The following WWOX variants were observed in gnomAD, a reference collection of about 807,000 sequenced individuals.
WWOX encodes WW domain containing oxidoreductase.
In WWOX, 69 loss-of-function variants were observed where a neutral mutation model predicts 46.2. The ratio of observed to expected loss-of-function variants is 1.49; its 90% confidence interval spans 1.23 to 1.82. The LOEUF is 1.82. Among genes scored for constraint, WWOX ranks in the 40% most tolerant of loss-of-function variants. The pLI is 0.00. For missense variants in WWOX, 919 were observed against 542.6 expected (o/e 1.69, Z -6.89); for synonymous variants, 359 against 202.6 (o/e 1.77, Z -6.56).
chr16:79,137,338 A>T (rs997227620), intron 8 of WWOX, among the ~76,000 whole-genome samples: 1 of 152,242 alleles, frequency 6.6e-6, no homozygotes, highest in Admixed American at 6.5e-5. Flanking sequence ...GCTTATCAAA[A>T]GAAAATTCAT....
chr16:78,261,766 ATCTAT>A (rs1597415602), intron 5 of WWOX, among the ~76,000 whole-genome samples: 5 of 74,848 alleles, frequency 6.7e-5, no homozygotes, highest in African/African-American at 3.1e-4. Flanking sequence ...CTATCTATCT[ATCTAT>A]GTATCTATCT....
At chr16:78,117,035 A>G (rs1231236663) in intron 4 of WWOX, among the ~76,000 whole-genome samples, 2 of 152,234 alleles carry the variant, frequency 1.3e-5, no homozygotes, top group Admixed American at 6.5e-5. Flanking sequence ...CTAGTTAGAT[A>G]CATAAGTCTT....
At chr16:78,889,562 T>C (rs1167928933) in intron 8 of WWOX, among the ~76,000 whole-genome samples, 1 of 151,978 alleles carries the variant, frequency 6.6e-6, no homozygotes, top group African/African-American at 2.4e-5. Context: ...TGTCCACTGG[T>C]CTCCACTAGG....
chr16:78,842,634 C>T (rs4888862), intron 8 of WWOX, among the ~76,000 whole-genome samples: 88,889 of 151,964 alleles, frequency 0.58, 26,129 homozygotes, highest in South Asian at 0.68. Context: ...GAGGTCAAGG[C>T]GGATGGATTG....
chr16:78,358,197 A>G (rs12926391), intron 5 of WWOX, among the ~76,000 whole-genome samples: 79,115 of 152,008 alleles, frequency 0.52, 22,189 homozygotes, highest in Non-Finnish European at 0.64. Flanking sequence ...TCCTATCGAA[A>G]GATAACCTCT....
chr16:78,392,130 G>C (rs1169475127), intron 6 of WWOX, among the ~76,000 whole-genome samples: 6 of 151,980 alleles, frequency 3.9e-5, no homozygotes, highest in African/African-American at 1.5e-4. Flanking sequence ...AAATTGGGTG[G>C]CATGGCAGGG....
At chr16:78,362,330 C>T (rs533690455) in intron 5 of WWOX, among the ~76,000 whole-genome samples, 61 of 152,296 alleles carry the variant, frequency 4.0e-4, no homozygotes, top group African/African-American at 1.4e-3. Flanking sequence ...AAAAACAGGA[C>T]AGGCATTACA....
At chr16:78,362,860 G>T (rs2151914771) in intron 5 of WWOX, among the ~76,000 whole-genome samples, 1 of 152,306 alleles carries the variant, frequency 6.6e-6, no homozygotes, top group Middle Eastern at 3.4e-3. Flanking sequence ...AAAGATGAGG[G>T]AAGTGAGTTT....
chr16:78,689,393 T>C (rs2047935155), intron 8 of WWOX, among the ~76,000 whole-genome samples: 1 of 152,228 alleles, frequency 6.6e-6, no homozygotes, highest in Non-Finnish European at 1.5e-5. Context: ...CATAATGTTC[T>C]GGGGCAACTT....
chr16:79,170,884 C>T (rs561898789), intron 8 of WWOX, among the ~76,000 whole-genome samples: 6 of 152,248 alleles, frequency 3.9e-5, no homozygotes, highest in East Asian at 1.9e-4. Context: ...GCCAAACCTT[C>T]GTGGATTCCT....
intron 8 of WWOX, among the ~76,000 whole-genome samples, chr16:78,470,560 T>C (rs916658281): frequency 2.6e-5 from 4 of 152,146 alleles, no homozygotes; most frequent in African/African-American, 9.7e-5. Flanking sequence ...GACAGAATCT[T>C]GCTCTGTCGC....
intron 5 of WWOX, among the ~76,000 whole-genome samples, chr16:78,274,730 G>A (rs1359370112): frequency 6.6e-6 from 1 of 152,024 alleles, no homozygotes; most frequent in Non-Finnish European, 1.5e-5. Context: ...TCGTTTCTTG[G>A]GCGAGGGCCC....
chr16:78,270,664 C>G (rs1188827360), intron 5 of WWOX: 1 of 152,180 alleles, frequency 6.6e-6, no homozygotes, highest in Non-Finnish European at 1.5e-5. Flanking sequence ...TGGTAGCTAA[C>G]TCATTAACTT....
intron 8 of WWOX, among the ~76,000 whole-genome samples, chr16:78,953,122 A>G (rs1483308652): frequency 6.6e-6 from 1 of 151,202 alleles, no homozygotes; most frequent in Non-Finnish European, 1.5e-5. Flanking sequence ...ATCAGTGACC[A>G]CTCCTGATAA....
At position 78,302,181 on chromosome 16, in the gene WWOX, G is replaced by A. The variant is rs985247155; in HGVS notation, c.517-84679G>A. ...TCGCCATGTTGGCCAGGCTGGTCTC[G>A]AACTCCTGACCTCAGGTGATCTGCC... is the stretch of plus-strand genomic sequence containing the variant. On this transcript the variant is annotated intron_variant, in intron 5 of 8. Transcript: ENST00000566780. Among the ~76,000 whole-genome samples, 27 of 152,080 alleles carry A rather than the reference G, an allele frequency of 1.8e-4. 1 individual carries two copies. The highest frequency in any genetic ancestry group is 5.5e-4 in the African/African-American group (23 of 41,486).
At chr16:78,136,588 C>G (rs1010306737) in intron 4 of WWOX, among the ~76,000 whole-genome samples, 1 of 152,184 alleles carries the variant, frequency 6.6e-6, no homozygotes, top group Non-Finnish European at 1.5e-5. Context: ...CCGTGTTATT[C>G]TTAAATTACA....
intron 8 of WWOX, chr16:78,898,010 T>C (rs571514804): frequency 3.5e-5 from 4 of 113,118 alleles, no homozygotes. Context: ...AAAAATTAGA[T>C]AGTCTTTTTA....
chr16:78,156,041 A>G (rs1010122373), intron 4 of WWOX, among the ~76,000 whole-genome samples: 3 of 152,218 alleles, frequency 2.0e-5, no homozygotes, highest in African/African-American at 7.2e-5. Flanking sequence ...GGAGTTGTCT[A>G]TTGCAGCTTT....
chr16:78,576,692 C>T (rs1331168173), intron 8 of WWOX, among the ~76,000 whole-genome samples: 4 of 152,114 alleles, frequency 2.6e-5, no homozygotes. Context: ...ATTAGCTGGG[C>T]ATGATGGCTC....
Sources: gnomAD v4.1 joint callset for allele counts (sites outside exome capture counted in the v4.1 genomes callset) on GRCh38, gnomAD v4.1.1 for gene constraint, MANE v1.5 for transcripts, NCBI Gene and HGNC (gene_info 2026-07-23, HGNC 2026-07-21) for gene names.